Variants in MED13L observed in about 807,000 individuals in gnomAD.
MED13L encodes mediator complex subunit 13L.
MED13L carries 7 observed loss-of-function variants against 220.9 expected under a neutral mutation model. That is an observed-to-expected ratio of 0.03 (90% CI 0.02 to 0.06). MED13L has a LOEUF of 0.06. Among genes scored for constraint, MED13L ranks in the 10% least tolerant of loss-of-function variants. The pLI, the probability that MED13L is intolerant of heterozygous loss-of-function variation, is 1.00. For synonymous variants in MED13L, 1,011 were observed against 1,015.2 expected (o/e 1.00, Z 0.08); for missense variants, 1,965 against 2,760.5 (o/e 0.71, Z 6.46).
intron 2 of MED13L, among the ~76,000 whole-genome samples, chr12:116,200,657 A>G (rs556042911): frequency 8.0e-4 from 122 of 152,364 alleles, no homozygotes; most frequent in African/African-American, 2.9e-3. Context: ...GTTCTGGTGC[A>G]TGAAACCAGC....
intron 1 of MED13L, among the ~76,000 whole-genome samples, chr12:116,255,588 C>G (rs1871976088): frequency 6.6e-6 from 1 of 152,198 alleles, no homozygotes; most frequent in East Asian, 1.9e-4. Context: ...AGGCACACCA[C>G]AAATTAGGAG....
intron 4 of MED13L, among the ~76,000 whole-genome samples, chr12:116,067,369 A>C (rs1004523132): frequency 6.6e-6 from 1 of 152,186 alleles, no homozygotes. Context: ...GGAATTTTCA[A>C]AGGAAACAAA....
In MED13L at chr12:115,969,103, G is replaced by A. The variant is rs1206582441; in HGVS notation, c.6068-6C>T. ...AAGGTCAACAAACATATCATCTAGAGGGAAGGGGGGAAAAAAAGCACAAAA... is the reference window on the plus strand; with the variant it reads ...AAGGTCAACAAACATATCATCTAGAAGGAAGGGGGGAAAAAAAGCACAAAA... On this transcript the variant is annotated splice_polypyrimidine_tract_variant and splice_region_variant and intron_variant, in intron 27 of 30. Transcript: ENST00000281928. 58 of 1,613,286 alleles carry A rather than the reference G, an allele frequency of 3.6e-5. No homozygotes were observed. The highest frequency in any genetic ancestry group is 4.7e-5 in the Non-Finnish European group (56 of 1,179,658).
intron 4 of MED13L, among the ~76,000 whole-genome samples, chr12:116,026,358 A>T (rs1880393513): frequency 1.3e-5 from 2 of 152,216 alleles, no homozygotes. Context: ...TTATATTGAT[A>T]ACTTAAAAAA....
chr12:116,162,608 C>T (rs1488773979), intron 2 of MED13L, among the ~76,000 whole-genome samples: 3 of 152,074 alleles, frequency 2.0e-5, no homozygotes, highest in Non-Finnish European at 4.4e-5. Flanking sequence ...CCAACTTAAC[C>T]TAGAAATTAT....
At chr12:116,118,664 CAT>C (rs1874736035) in intron 2 of MED13L, among the ~76,000 whole-genome samples, 1 of 152,154 alleles carries the variant, frequency 6.6e-6, no homozygotes, top group South Asian at 2.1e-4. Flanking sequence ...ACAGGAGCAG[CAT>C]ATGTTTCAAT....
chr12:116,048,534 A>G (rs1426999097), intron 4 of MED13L, among the ~76,000 whole-genome samples: 2 of 152,254 alleles, frequency 1.3e-5, no homozygotes, highest in East Asian at 1.9e-4. Flanking sequence ...AAAAGAAACC[A>G]AAGAATACAT....
intron 3 of MED13L, among the ~76,000 whole-genome samples, chr12:116,099,184 C>T (rs1593042343): frequency 6.6e-6 from 1 of 152,090 alleles, no homozygotes; most frequent in East Asian, 1.9e-4. Context: ...GCACACAAGC[C>T]CAGGTATATC....
chr12:115,982,208 T>C (rs1877377289), intron 22 of MED13L, 176 bp downstream of exon 22: 1 of 646,734 alleles, frequency 1.5e-6, no homozygotes, highest in Non-Finnish European at 2.7e-6. Flanking sequence ...TCTCCCATTA[T>C]ATATATGCAA....
At chr12:116,098,216 A>C (rs1172177636) in intron 3 of MED13L, among the ~76,000 whole-genome samples, 1 of 152,176 alleles carries the variant, frequency 6.6e-6, no homozygotes, top group African/African-American at 2.4e-5. Flanking sequence ...ATTGCACTCC[A>C]GCCTGGGCAA....
In MED13L at chr12:115,972,187, C is replaced by T. The variant is rs1340203781; in HGVS notation, c.5781G>A (p.Lys1927=). 1 of 1,613,998 alleles carries T rather than the reference C, an allele frequency of 6.2e-7. No individual in the cohort carries two copies. Among genetic ancestry groups the T allele is most frequent in the South Asian group, 1.1e-5 (1 of 91,084 alleles). ...CACACATCCGGCACACATCCTTGAG[C>T]TTTTTGCTGATTGTCTGTAGTGAAC... is the stretch of plus-strand genomic sequence containing the variant. ...GECSLQTISK[K]LKDVCRMCGI... is the part of the protein sequence containing the mutation. The change falls in exon 26 of 31, where the codon AAG becomes AAA. Residue 1927 remains lysine, a synonymous_variant. Coordinates refer to ENST00000281928, the MANE Select transcript of MED13L (RefSeq NM_015335.5).
rs575657875 is a variant in MED13L, at chr12:116,194,220, C to T, written c.310+43248G>A. On this transcript the variant is annotated intron_variant, in intron 2 of 30. Transcript: ENST00000281928. ...CGCTCTTTTTGTCCAACCTGGAGTG[C>T]AATGGTGCAACCTCGGCTCGTCGCA... 6.6e-5 allele frequency among the ~76,000 whole-genome samples: 10 copies of T among 152,174 alleles called. 1 individual carries two copies. The South Asian group carries it at 2.1e-3, about 32-fold the overall frequency.
At chr12:116,064,064 C>T (rs746958391) in intron 4 of MED13L, among the ~76,000 whole-genome samples, 5 of 151,996 alleles carry the variant, frequency 3.3e-5, no homozygotes, top group Admixed American at 1.3e-4. Context: ...GTGGCACATG[C>T]CTGTAGTCCC....
intron 3 of MED13L, among the ~76,000 whole-genome samples, chr12:116,110,921 T>C (rs1440835375): frequency 6.6e-5 from 10 of 152,114 alleles, no homozygotes; most frequent in African/African-American, 1.9e-4. Flanking sequence ...CTGTTCTGGA[T>C]TTAAAGAGAC....
chr12:115,987,029 G>A (rs918217729), intron 18 of MED13L, 80 bp downstream of exon 18: 23 of 1,402,090 alleles, frequency 1.6e-5, no homozygotes, highest in Middle Eastern at 3.9e-4. Context: ...AGTGACGCAA[G>A]GACTTGACAG....
At chr12:116,069,550 C>G (rs1033361254) in intron 4 of MED13L, among the ~76,000 whole-genome samples, 4 of 152,162 alleles carry the variant, frequency 2.6e-5, no homozygotes, top group Non-Finnish European at 5.9e-5. Flanking sequence ...TTTTAGCTAT[C>G]AATTACTTGC....
At chr12:116,128,452 A>C (rs1387932024) in intron 2 of MED13L, among the ~76,000 whole-genome samples, 1 of 152,056 alleles carries the variant, frequency 6.6e-6, no homozygotes, top group African/African-American at 2.4e-5. Flanking sequence ...GAGGAAAAAA[A>C]AAAACAAGAA....
intron 2 of MED13L, among the ~76,000 whole-genome samples, chr12:116,217,681 T>C (rs562210296): frequency 3.9e-5 from 6 of 152,330 alleles, no homozygotes; most frequent in African/African-American, 1.2e-4. Flanking sequence ...TGCTTACTTA[T>C]CTAATTACCT....
chr12:116,220,315 G>A (rs973560296), intron 2 of MED13L, among the ~76,000 whole-genome samples: 16 of 152,094 alleles, frequency 1.1e-4, no homozygotes, highest in African/African-American at 3.1e-4. Flanking sequence ...CCTCCTACTC[G>A]AGATTTCCAA....
Sources: gnomAD v4.1 joint callset for allele counts (sites outside exome capture counted in the v4.1 genomes callset) on GRCh38, gnomAD v4.1.1 for gene constraint, MANE v1.5 for transcripts, NCBI Gene and HGNC (gene_info 2026-07-23, HGNC 2026-07-21) for gene names.